KPNA1: variants seen among roughly 807,000 people sequenced by gnomAD.
KPNA1 encodes the protein importin subunit alpha-5.
In KPNA1, 10 loss-of-function variants were observed where a neutral mutation model predicts 70.5. The ratio of observed to expected loss-of-function variants is 0.14; its 90% CI spans 0.09 to 0.24. The LOEUF (loss-of-function observed/expected upper bound fraction) is 0.24, where lower values mean the gene tolerates loss of function less well. Ranked by LOEUF, KPNA1 falls within the 10% of genes least tolerant of loss-of-function variation. KPNA1 has a pLI of 1.00. For missense variants in KPNA1, 397 were observed against 637.9 expected, an observed-to-expected ratio of 0.62 and a Z score of 4.07; for synonymous variants, 192 against 221.9, an observed-to-expected ratio of 0.87 and a Z score of 1.20.
intron 1 of KPNA1, among the ~76,000 whole-genome samples, chr3:122,513,523 A>G (rs1421363348): frequency 6.6e-6 from 1 of 152,204 alleles, no homozygotes; most frequent in Non-Finnish European, 1.5e-5. Context: ...AGACAAAAAC[A>G]ATGTCGAGAA....
intron 2 of KPNA1, among the ~76,000 whole-genome samples, chr3:122,473,214 T>C (rs1416067029): frequency 6.6e-6 from 1 of 152,172 alleles, no homozygotes; most frequent in Non-Finnish European, 1.5e-5. Context: ...AATAGGCCTG[T>C]ATTAAAGAAA....
At chr3:122,503,019 G>A (rs192500815) in intron 1 of KPNA1, among the ~76,000 whole-genome samples, 9 of 152,134 alleles carry the variant, frequency 5.9e-5, no homozygotes, top group Admixed American at 1.3e-4. Context: ...CATCACTTGA[G>A]CCTGGGAGGT....
At chr3:122,509,499 T>C (rs2076932672) in intron 1 of KPNA1, among the ~76,000 whole-genome samples, 1 of 152,162 alleles carries the variant, frequency 6.6e-6, no homozygotes, top group Admixed American at 6.6e-5. Flanking sequence ...AAGTAAAATG[T>C]GGTAGATCTG....
At position 122,488,790 on chromosome 3, in the gene KPNA1, G is replaced by A. The variant is rs142602089; in HGVS notation, c.129+7647C>T. ...CAGGTAACATGTCTTTACTCTGGGC[G>A]TTTTTAAGAGTTTCCTTTTAAGTTT... On this transcript the variant is annotated intron_variant, in intron 2 of 13. Transcript: ENST00000344337. Among the ~76,000 whole-genome samples the A allele has an allele frequency of 3.3e-3, 506 of 152,254 alleles. 3 individuals carry two copies. The highest frequency in any genetic ancestry group is 0.011 in the African/African-American group (477 of 41,554).
chr3:122,439,357 A>T (rs2076033109), intron 10 of KPNA1, among the ~76,000 whole-genome samples: 2 of 151,368 alleles, frequency 1.3e-5, no homozygotes, highest in South Asian at 4.2e-4. Flanking sequence ...TCAGCTAATT[A>T]AAAAAAAATG....
At chr3:122,442,160 TA>T in intron 9 of KPNA1, 44 bp from the exon 10 acceptor site, 1 of 1,442,892 alleles carries the variant, frequency 6.9e-7, no homozygotes, top group South Asian at 1.2e-5. Context: ...GTTCTATCCT[TA>T]GTTTCATTTC....
chr3:122,444,761 G>A (rs537524036), intron 9 of KPNA1, among the ~76,000 whole-genome samples: 5 of 152,174 alleles, frequency 3.3e-5, no homozygotes, highest in Non-Finnish European at 7.4e-5. Flanking sequence ...AGGAAAACAG[G>A]GTCTGGAGTG....
intron 2 of KPNA1, among the ~76,000 whole-genome samples, chr3:122,491,304 T>C (rs1032407556): frequency 6.6e-6 from 1 of 152,296 alleles, no homozygotes; most frequent in South Asian, 2.1e-4. Flanking sequence ...CTACAGGTCA[T>C]GAAAAACACG....
chr3:122,480,769 T>C (rs1381774968), intron 2 of KPNA1, among the ~76,000 whole-genome samples: 1 of 151,894 alleles, frequency 6.6e-6, no homozygotes, highest in African/African-American at 2.4e-5. Flanking sequence ...GGAGGATCAC[T>C]TGAGGCCAGG....
intron 2 of KPNA1, among the ~76,000 whole-genome samples, chr3:122,478,558 C>T (rs528907458): frequency 6.6e-6 from 1 of 151,696 alleles, no homozygotes. Context: ...CCCATCTCTA[C>T]TAAAAATACA....
intron 2 of KPNA1, among the ~76,000 whole-genome samples, chr3:122,486,413 A>G (rs79266739): frequency 3.3e-5 from 5 of 152,248 alleles, no homozygotes; most frequent in Admixed American, 6.5e-5. Flanking sequence ...ACTAATCAGT[A>G]GTAACAGAAA....
In KPNA1 at chr3:122,455,575, G is replaced by A. The variant is rs145758156; in HGVS notation, c.433-1574C>T. Among the ~76,000 whole-genome samples the A allele has an allele frequency of 2.0e-3, 301 of 151,402 alleles. 1 individual carries two copies. Among genetic ancestry groups the A allele is most frequent in the African/African-American group, 7.0e-3 (290 of 41,154 alleles). ...ATATTTTCTTTTTTTTCTTTTTTGA[G>A]ACAGAGTCTCAGTCTTGTTGCCCAG... On this transcript the variant is annotated intron_variant, in intron 5 of 13. Transcript: ENST00000344337.
chr3:122,484,297 A>G (rs887812239), intron 2 of KPNA1, among the ~76,000 whole-genome samples: 6 of 152,224 alleles, frequency 3.9e-5, no homozygotes, highest in African/African-American at 1.2e-4. Context: ...TTTTTAGTAC[A>G]TAAGAACTGT....
At chr3:122,497,984 T>C (rs527387187) in intron 1 of KPNA1, among the ~76,000 whole-genome samples, 4 of 152,344 alleles carry the variant, frequency 2.6e-5, no homozygotes, top group African/African-American at 9.6e-5. Context: ...ATCCTTAACC[T>C]TGTGTTTCTT....
intron 10 of KPNA1, among the ~76,000 whole-genome samples, chr3:122,440,242 A>G (rs145403672): frequency 3.1e-4 from 47 of 152,018 alleles, no homozygotes; most frequent in Non-Finnish European, 5.1e-4. Context: ...AGAAAAAAAA[A>G]TAAGTACCTA....
chr3:122,506,404 A>C (rs1009605473), intron 1 of KPNA1, among the ~76,000 whole-genome samples: 1 of 152,252 alleles, frequency 6.6e-6, no homozygotes, highest in African/African-American at 2.4e-5. Context: ...ATTTGAAAAT[A>C]TAAATTATTG....
At chr3:122,485,747 T>C (rs2076622001) in intron 2 of KPNA1, among the ~76,000 whole-genome samples, 1 of 152,148 alleles carries the variant, frequency 6.6e-6, no homozygotes, top group Non-Finnish European at 1.5e-5. Flanking sequence ...CAGTTAATAA[T>C]AATGTATTAC....
At position 122,425,234 on chromosome 3, in the gene KPNA1, A is replaced by G. The variant is rs1157394260; in HGVS notation, c.*1751T>C. Reference sequence around the variant, plus strand: ...TGAAGTGGATTTTTTAAAAGTTTAAATCAGGTCACATAAGTTGGCTGCTTA... The same window carrying G: ...TGAAGTGGATTTTTTAAAAGTTTAAGTCAGGTCACATAAGTTGGCTGCTTA... On this transcript the variant is annotated 3_prime_UTR_variant, in exon 14 of 14. Transcript: ENST00000344337. 8 of 152,680 alleles carry G rather than the reference A, an allele frequency of 5.2e-5. No homozygotes were observed. The highest frequency in any genetic ancestry group is 1.2e-4 in the Non-Finnish European group (8 of 68,050). 9.5% of individuals were successfully genotyped at this position (152,680 alleles called of 1,614,324 possible).
chr3:122,446,949 A>C (rs1360845620), intron 9 of KPNA1, among the ~76,000 whole-genome samples: 3 of 152,172 alleles, frequency 2.0e-5, no homozygotes, highest in African/African-American at 7.2e-5. Context: ...GGACACATAC[A>C]CCCTCCCAAG....
Sources: allele counts gnomAD v4.1 joint callset (sites outside exome capture counted in the v4.1 genomes callset), GRCh38; gene constraint gnomAD v4.1.1; transcripts MANE v1.5; gene names NCBI Gene and HGNC (gene_info 2026-07-23, HGNC 2026-07-21).